Variants in MYCBP2 observed in about 807,000 individuals in gnomAD.
MYCBP2 encodes MYC binding protein 2, also known as E3 ubiquitin-protein ligase MYCBP2.
In MYCBP2, 120 loss-of-function variants were observed where a neutral mutation model predicts 525.3. The ratio of observed to expected loss-of-function variants is 0.23; its 90% confidence interval spans 0.20 to 0.27. MYCBP2 has a LOEUF of 0.27. Ranked by LOEUF, MYCBP2 falls within the 10% of genes least tolerant of loss-of-function variation. The pLI is 1.00. For missense variants in MYCBP2, 4,149 were observed against 5,657.1 expected (o/e 0.73, Z 8.55); for synonymous variants, 1,894 against 1,955.8 (o/e 0.97, Z 0.83).
chr13:77,258,952 A>G (rs757922291), intron 13 of MYCBP2, among the ~76,000 whole-genome samples: 2 of 152,128 alleles, frequency 1.3e-5, no homozygotes, highest in Non-Finnish European at 2.9e-5. Flanking sequence ...CTGTTACCCA[A>G]TTAAAAGCGT....
chr13:77,323,035 A>G (rs2081879014), intron 1 of MYCBP2, among the ~76,000 whole-genome samples: 1 of 152,200 alleles, frequency 6.6e-6, no homozygotes, highest in African/African-American at 2.4e-5. Flanking sequence ...AGCAAAAACA[A>G]ACAGACAAAA....
chr13:77,282,968 A>C (rs190409421), intron 3 of MYCBP2, among the ~76,000 whole-genome samples: 1 of 152,202 alleles, frequency 6.6e-6, no homozygotes, highest in Non-Finnish European at 1.5e-5. Flanking sequence ...CTCTCTAGAC[A>C]ACTGCAATAA....
chr13:77,135,406 T>A (rs533974515), intron 52 of MYCBP2, among the ~76,000 whole-genome samples: 1 of 152,182 alleles, frequency 6.6e-6, no homozygotes, highest in Non-Finnish European at 1.5e-5. Flanking sequence ...GGTGTGTTAT[T>A]TCCTTGAGAA....
rs752841648 is a variant in MYCBP2 at position 77,186,036 on chromosome 13, G to A, written c.4279C>T (p.Leu1427Phe). The change falls in exon 31 of 83, where the codon CTT becomes TTT. Residue 1427 changes from leucine (L) to phenylalanine (F), a missense_variant. Transcript: ENST00000544440. ...VECFESLLSILHWSWTTLVLG... is the reference protein window; with the variant it reads ...VECFESLLSIFHWSWTTLVLG... ...ACTAAGGTGGTCCAGCTCCAGTGAA[G>A]AATACTCAACAATGACTCAAAACAT... 4 of 1,601,786 alleles carry A rather than the reference G, an allele frequency of 2.5e-6. No individual in the cohort carries two copies. The South Asian group carries it at 3.4e-5, about 14-fold the overall frequency.
At chr13:77,140,628 T>C (rs934460287) in intron 50 of MYCBP2, among the ~76,000 whole-genome samples, 1 of 152,170 alleles carries the variant, frequency 6.6e-6, no homozygotes, top group Non-Finnish European at 1.5e-5. Context: ...ATTGTAAATG[T>C]TCCACAGCAG....
At chr13:77,160,534 T>C (rs2154208075) in intron 44 of MYCBP2, among the ~76,000 whole-genome samples, 1 of 152,332 alleles carries the variant, frequency 6.6e-6, no homozygotes, top group Non-Finnish European at 1.5e-5. Context: ...GTACCAGCCT[T>C]TGTTTCCCTT....
intron 70 of MYCBP2, among the ~76,000 whole-genome samples, chr13:77,068,320 T>G (rs1255553854): frequency 6.6e-6 from 1 of 151,672 alleles, no homozygotes; most frequent in East Asian, 1.9e-4. Context: ...CATGGTAATA[T>G]GGTAATCAGT....
At chr13:77,218,863 CT>C (rs1452259772) in intron 20 of MYCBP2, among the ~76,000 whole-genome samples, 7 of 152,014 alleles carry the variant, frequency 4.6e-5, no homozygotes, top group African/African-American at 1.7e-4. Context: ...AATTATGACA[CT>C]TTAAATTTTA....
intron 17 of MYCBP2, 44 bp from the exon 18 acceptor site, chr13:77,233,307 T>G (rs762965293): frequency 1.4e-6 from 2 of 1,389,544 alleles, no homozygotes; most frequent in Non-Finnish European, 2.0e-6. Flanking sequence ...ACTCACAAAA[T>G]GAAAACACTA....
chr13:77,271,885 G>A (rs1295043426), intron 5 of MYCBP2, among the ~76,000 whole-genome samples: 1 of 152,192 alleles, frequency 6.6e-6, no homozygotes, highest in Non-Finnish European at 1.5e-5. Flanking sequence ...GTCAGGCCAG[G>A]AGAGTTTTGG....
intron 26 of MYCBP2, 104 bp downstream of exon 26, chr13:77,205,152 C>A (rs2063179086): frequency 6.6e-6 from 7 of 1,065,822 alleles, no homozygotes; most frequent in Non-Finnish European, 8.6e-6. Context: ...CAAAATAAAC[C>A]CAGTTAAAAA....
At chr13:77,250,450 C>T (rs2070996609) in intron 15 of MYCBP2, among the ~76,000 whole-genome samples, 1 of 152,152 alleles carries the variant, frequency 6.6e-6, no homozygotes, top group African/African-American at 2.4e-5. Flanking sequence ...TCTACTCCCC[C>T]AAATCAGCCA....
At chr13:77,246,587 GAGA>G (rs2070043196) in intron 15 of MYCBP2, among the ~76,000 whole-genome samples, 2 of 149,554 alleles carry the variant, frequency 1.3e-5, no homozygotes, top group African/African-American at 4.9e-5. Context: ...GGAAAAGAAG[GAGA>G]AGGAGGAAGA....
intron 62 of MYCBP2, 111 bp from the exon 63 acceptor site, chr13:77,083,303 A>G: frequency 3.2e-6 from 3 of 932,734 alleles, no homozygotes; most frequent in Non-Finnish European, 4.6e-6. Flanking sequence ...AATACAAACA[A>G]CAAAACCAAA....
rs1457319673 is a variant in MYCBP2 at position 77,326,734 on chromosome 13, G to C, written c.42C>G (p.Ser14=). 84 of 1,410,436 alleles carry C rather than the reference G, an allele frequency of 6.0e-5. No individual in the cohort carries two copies. Among genetic ancestry groups the C allele is most frequent in the Middle Eastern group, 2.5e-4 (1 of 3,944 alleles). The allele number at this position is 1,410,436 out of a possible 1,614,324, so 87.4% of individuals were successfully genotyped here. A position where few individuals can be genotyped will look rare whatever the true frequency, so the allele number is the denominator to read the frequency against. The change falls in exon 1 of 83, where the codon TCC becomes TCG. Residue 14 remains serine (S), a synonymous_variant. Coordinates refer to ENST00000544440, the MANE Select transcript of MYCBP2 (RefSeq NM_015057.5). The surrounding 1 kb of genome is among the most constrained non-coding windows in gnomAD (Gnocchi z 4.2). ...AGAATCCGTCCCCGCCGAGCCCCGA[G>C]GAGGCGGCGGCGGGGGAGGCAGTCG... ...CAATASPAAA[S]SGLGGDGFYP... is the part of the protein sequence containing the mutation.
chr13:77,165,362 C>T lies in MYCBP2; in HGVS notation c.6370G>A (p.Ala2124Thr), dbSNP rs765356310. ...TTGTCATCTTTCACATAATCTGATG[C>T]AGTCTCCAATGAAAAAAGGGCCTCA... ...GNEALFSLET[A>T]SDYVKDDKAS... Residue 2124 changes from alanine (A) to threonine (T), a missense_variant, in exon 42 of 83, where the codon GCA (alanine) becomes ACA (threonine). Around this residue, in one of 21 missense-constraint regions of MYCBP2, gnomAD observed 692 missense variants for 852.7 expected, o/e 0.81. Coordinates refer to ENST00000544440, the MANE Select transcript of MYCBP2 (RefSeq NM_015057.5). The T allele has an allele frequency of 6.2e-7, 1 of 1,607,204 alleles. No homozygotes were observed. The highest frequency in any genetic ancestry group is 1.1e-5 in the South Asian group (1 of 88,974).
At chr13:77,068,879 T>G (rs756201265) in intron 69 of MYCBP2, 48 bp from the exon 70 acceptor site, 1 of 1,563,308 alleles carries the variant, frequency 6.4e-7, no homozygotes, top group Non-Finnish European at 8.7e-7. Flanking sequence ...GTTAGTTTGA[T>G]TTACTACTCC....
At chr13:77,217,687 T>C (rs1351383670) in intron 21 of MYCBP2, among the ~76,000 whole-genome samples, 153 bp downstream of exon 21, 1 of 152,184 alleles carries the variant, frequency 6.6e-6, no homozygotes, top group East Asian at 1.9e-4. Context: ...TCAGGTTTAG[T>C]GTGTGTTGGG....
chr13:77,291,841 A>G (rs577307034), intron 2 of MYCBP2, among the ~76,000 whole-genome samples: 1 of 151,946 alleles, frequency 6.6e-6, no homozygotes, highest in African/African-American at 2.4e-5. Flanking sequence ...CGCTGCAGGC[A>G]TGATTGCTTA....
Sources: gnomAD v4.1 joint callset for allele counts (sites outside exome capture counted in the v4.1 genomes callset) on GRCh38, gnomAD v4.1.1 for gene constraint, gnomAD v4.1.1 regional missense constraint, Gnocchi (gnomAD v3.1) non-coding constraint, MANE v1.5 for transcripts, NCBI Gene and HGNC (gene_info 2026-07-23, HGNC 2026-07-21) for gene names.